Variants in B3GLCT observed in about 807,000 individuals in gnomAD.
B3GLCT encodes beta 3-glucosyltransferase, also known as beta-1,3-glucosyltransferase.
B3GLCT carries 65 observed loss-of-function variants against 63.4 expected under a neutral mutation model. The ratio of observed to expected loss-of-function variants is 1.03; its 90% CI spans 0.84 to 1.26. B3GLCT has a LOEUF of 1.26. Among genes scored for constraint, B3GLCT ranks in the 50% most tolerant of loss-of-function variants. B3GLCT has a pLI of 0.00. For missense variants in B3GLCT, 577 were observed against 604.8 expected, an observed-to-expected ratio of 0.95 and a Z score of 0.48; for synonymous variants, 233 against 219.2, an observed-to-expected ratio of 1.06 and a Z score of -0.55.
chr13:31,317,582 C>A lies in B3GLCT; in HGVS notation c.1081C>A (p.His361Asn). The A allele has an allele frequency of 6.2e-7, 1 of 1,614,010 alleles. No individual in the cohort carries two copies. The highest frequency in any genetic ancestry group is 2.2e-5 in the East Asian group (1 of 44,872). Residue 361 changes from histidine to asparagine, a missense_variant, in exon 13 of 15, where the codon CAC (histidine) becomes AAC (asparagine). His to Asn is a moderately conservative substitution (Grantham distance 68). Transcript: ENST00000343307. The stretch of plus-strand genomic sequence containing the variant: ...GCATCTCAGTATCTCCAGGCTCCAG[C>A]ACTTGCTTAGCTGTTATGACTCCGG... ...DTLISISRLQ[H>N]LLSCYDSGEP...
intron 12 of B3GLCT, among the ~76,000 whole-genome samples, chr13:31,298,127 C>T (rs1877265): frequency 0.93 from 142,203 of 152,250 alleles, 66,990 homozygotes; most frequent in East Asian, 1. Context: ...CATGCCTTTG[C>T]CTTTCTGGTG....
rs1004135050 is a variant in B3GLCT at position 31,331,767 on chromosome 13, G to T, written c.*2099G>T. ...AAATCAGAGATGTTATTTTAGAATC[G>T]ATTCCCATCTAAAGAACTCAATTTT... is the stretch of plus-strand genomic sequence containing the variant. On this transcript the variant is annotated 3_prime_UTR_variant, in exon 15 of 15. Transcript: ENST00000343307. The T allele has an allele frequency of 3.9e-5, 6 of 152,130 alleles. No individual in the cohort carries two copies. The highest frequency in any genetic ancestry group is 8.8e-5 in the Non-Finnish European group (6 of 68,024). The allele number at this position is 152,130 out of a possible 1,614,324, so 9.4% of individuals were successfully genotyped here.
chr13:31,204,138 G>C (rs1416263683), intron 1 of B3GLCT, among the ~76,000 whole-genome samples: 1 of 152,208 alleles, frequency 6.6e-6, no homozygotes, highest in Non-Finnish European at 1.5e-5. Context: ...AGATGTTCAG[G>C]ATGCTGTGAG....
intron 6 of B3GLCT, among the ~76,000 whole-genome samples, chr13:31,255,949 C>A (rs1480865518): frequency 6.6e-6 from 1 of 152,202 alleles, no homozygotes; most frequent in African/African-American, 2.4e-5. Context: ...CAGATGGCAT[C>A]TGATTAAACT....
chr13:31,321,220 C>A (rs560487999), intron 13 of B3GLCT, among the ~76,000 whole-genome samples: 1 of 152,302 alleles, frequency 6.6e-6, no homozygotes, highest in East Asian at 1.9e-4. Flanking sequence ...TCTTTAATAG[C>A]GCTTTTACAA....
At position 31,309,560 on chromosome 13, in the gene B3GLCT, C is replaced by T. The variant is rs116966621; in HGVS notation, c.1065-8006C>T. Among the ~76,000 whole-genome samples, 1,031 of 152,298 alleles carry T rather than the reference C, an allele frequency of 6.8e-3. 3 individuals are homozygous for T. The highest frequency in any genetic ancestry group is 0.02 in the Middle Eastern group (6 of 294). ...TTTGGGTTCCTTTAATTTGCTGGAG[C>T]AGCTCACAGAACTCAGGGAAACACT... On this transcript the variant is annotated intron_variant, in intron 12 of 14. Coordinates refer to ENST00000343307, the MANE Select transcript of B3GLCT (RefSeq NM_194318.4).
chr13:31,297,025 GTT>G (rs79964378), intron 12 of B3GLCT, among the ~76,000 whole-genome samples: 1 of 142,616 alleles, frequency 7.0e-6, no homozygotes. Flanking sequence ...TACAGTACTT[GTT>G]TTTTTTTTTT....
chr13:31,328,484 A>C (rs1262439363), intron 14 of B3GLCT, among the ~76,000 whole-genome samples: 1 of 152,088 alleles, frequency 6.6e-6, no homozygotes, highest in Non-Finnish European at 1.5e-5. Flanking sequence ...ACCTGAGGTC[A>C]GGGGTTCGAG....
At chr13:31,244,421 G>A (rs1338765711) in intron 4 of B3GLCT, among the ~76,000 whole-genome samples, 3 of 152,172 alleles carry the variant, frequency 2.0e-5, no homozygotes, top group African/African-American at 7.2e-5. Context: ...GAACCTGGGA[G>A]GCAGAGGTTG....
chr13:31,321,683 G>A (rs1339004755), intron 13 of B3GLCT, among the ~76,000 whole-genome samples: 2 of 152,166 alleles, frequency 1.3e-5, no homozygotes, highest in East Asian at 1.9e-4. Flanking sequence ...TGACAGAGCC[G>A]AGTCAGACAT....
At chr13:31,261,275 C>G (rs1325421597) in intron 7 of B3GLCT, among the ~76,000 whole-genome samples, 193 bp downstream of exon 7, 1 of 152,196 alleles carries the variant, frequency 6.6e-6, no homozygotes, top group Admixed American at 6.5e-5. Flanking sequence ...CTAGACCCTT[C>G]AGACAAATCA....
intron 2 of B3GLCT, 88 bp from the exon 3 acceptor site, chr13:31,222,864 A>G: frequency 2.2e-6 from 2 of 896,096 alleles, no homozygotes; most frequent in East Asian, 2.4e-5. Context: ...GTGCTGATAC[A>G]TACCATGCAC....
chr13:31,316,407 T>TTTATATATATA (rs1239451482), intron 12 of B3GLCT, among the ~76,000 whole-genome samples: 2 of 40,872 alleles, frequency 4.9e-5, no homozygotes, highest in Admixed American at 3.7e-4. Flanking sequence ...TTTGGAGGTT[T>TTTATATATATA]TATATATATA....
chr13:31,234,341 G>A (rs1870536564), intron 4 of B3GLCT, among the ~76,000 whole-genome samples: 1 of 152,156 alleles, frequency 6.6e-6, no homozygotes, highest in Non-Finnish European at 1.5e-5. Flanking sequence ...TTTCAAGCAA[G>A]GTGGAAGAGC....
intron 4 of B3GLCT, among the ~76,000 whole-genome samples, chr13:31,230,811 C>T (rs1230618510): frequency 3.3e-5 from 5 of 152,090 alleles, no homozygotes; most frequent in Admixed American, 3.3e-4. Flanking sequence ...AGATCGAGAC[C>T]ATCCTGGCCA....
intron 10 of B3GLCT, among the ~76,000 whole-genome samples, chr13:31,278,691 C>T (rs1297736559): frequency 2.0e-5 from 3 of 152,172 alleles, no homozygotes; most frequent in African/African-American, 4.8e-5. Flanking sequence ...GGGCTCTGCC[C>T]CTCATTTTAG....
intron 14 of B3GLCT, among the ~76,000 whole-genome samples, chr13:31,327,234 A>G (rs1875673438): frequency 1.3e-5 from 2 of 152,380 alleles, no homozygotes; most frequent in African/African-American, 2.4e-5. Context: ...AATTATAACC[A>G]TATGCCAGCA....
chr13:31,240,467 G>T (rs1430797198), intron 4 of B3GLCT, among the ~76,000 whole-genome samples: 2 of 129,834 alleles, frequency 1.5e-5, no homozygotes, highest in Non-Finnish European at 3.3e-5. Flanking sequence ...TGCCTCTTTA[G>T]TTTTTTTTTT....
At chr13:31,319,650 T>TC (rs1188044893) in intron 13 of B3GLCT, among the ~76,000 whole-genome samples, 1 of 152,162 alleles carries the variant, frequency 6.6e-6, no homozygotes, top group Non-Finnish European at 1.5e-5. Context: ...TTTCTAGTCC[T>TC]CCTTCTCACC....
Sources: gnomAD v4.1 joint callset for allele counts (sites outside exome capture counted in the v4.1 genomes callset) on GRCh38, gnomAD v4.1.1 for gene constraint, MANE v1.5 for transcripts, NCBI Gene and HGNC (gene_info 2026-07-23, HGNC 2026-07-21) for gene names.